Variants in RBM47 observed in about 807,000 individuals in gnomAD.
The protein encoded by RBM47 is RNA-binding protein 47.
RBM47 carries 21 observed loss-of-function variants against 47.1 expected under a neutral mutation model. That is an observed-to-expected ratio of 0.45 (90% CI 0.32 to 0.64). RBM47 has a LOEUF of 0.64. Among genes scored for constraint, RBM47 ranks in the 30% least tolerant of loss-of-function variants. The probability of loss-of-function intolerance (pLI) is 0.05; values close to 1 mark genes in which losing one functional copy is unlikely to be tolerated. For synonymous variants in RBM47, 375 were observed against 361.7 expected (o/e 1.04, Z -0.42); for missense variants, 708 against 870.9 (o/e 0.81, Z 2.35).
chr4:40,566,147 C>A (rs892664374), intron 1 of RBM47, among the ~76,000 whole-genome samples: 2 of 152,042 alleles, frequency 1.3e-5, no homozygotes, highest in African/African-American at 4.8e-5. Flanking sequence ...GAGAAAAGAA[C>A]AAAGCAAAAG....
chr4:40,526,690 C>T (rs574050515), intron 2 of RBM47, among the ~76,000 whole-genome samples: 6 of 151,528 alleles, frequency 4.0e-5, no homozygotes, highest in African/African-American at 1.5e-4. Context: ...CCTCCTGCTT[C>T]GGCCTCCTGA....
chr4:40,550,580 G>A (rs1178243478), intron 1 of RBM47, among the ~76,000 whole-genome samples: 1 of 152,008 alleles, frequency 6.6e-6, no homozygotes, highest in Non-Finnish European at 1.5e-5. Flanking sequence ...CACCATGCCC[G>A]GCTAATTTTT....
At chr4:40,611,964 G>A (rs367864507) in intron 1 of RBM47, among the ~76,000 whole-genome samples, 59 of 152,200 alleles carry the variant, frequency 3.9e-4, no homozygotes, top group Admixed American at 9.2e-4. Context: ...GGCCTTCCAC[G>A]CAAGACTCAG....
chr4:40,570,160 T>G (rs1731572563), intron 1 of RBM47, among the ~76,000 whole-genome samples: 1 of 151,984 alleles, frequency 6.6e-6, no homozygotes, highest in South Asian at 2.1e-4. Flanking sequence ...CCATGGTGGA[T>G]AGGGGTGAGA....
rs1717063666 is a variant in RBM47 at position 40,461,035 on chromosome 4, TA to T, written c.-32+5541del. ...AAATAAAAAGCACAACTACATTAAT[TA>T]AAGAAACTCAAGAAATATGCACTTA... On this transcript the variant is annotated intron_variant, in intron 3 of 6. Transcript: ENST00000295971. Among the ~76,000 whole-genome samples the T allele has an allele frequency of 2.6e-5, 4 of 152,152 alleles. No individual in the cohort carries two copies. In the East Asian group the frequency reaches 7.7e-4, roughly 29 times the overall value.
chr4:40,603,217 C>T (rs750764112), intron 1 of RBM47, among the ~76,000 whole-genome samples: 1 of 152,156 alleles, frequency 6.6e-6, no homozygotes, highest in African/African-American at 2.4e-5. Context: ...GCAGGATACA[C>T]CCTGTTAGCT....
chr4:40,437,714 C>T (rs1712877360), intron 4 of RBM47, 57 bp downstream of exon 4: 3 of 1,492,094 alleles, frequency 2.0e-6, no homozygotes, highest in Non-Finnish European at 2.7e-6. Flanking sequence ...CCTGGTGCCC[C>T]CTGCCTAGGA....
At chr4:40,608,976 T>G (rs984535316) in intron 1 of RBM47, among the ~76,000 whole-genome samples, 1 of 152,084 alleles carries the variant, frequency 6.6e-6, no homozygotes, top group African/African-American at 2.4e-5. Flanking sequence ...TATGTCTCCA[T>G]ACCTCTTCTT....
intron 2 of RBM47, among the ~76,000 whole-genome samples, chr4:40,480,809 T>C (rs751556735): frequency 6.6e-6 from 1 of 152,192 alleles, no homozygotes; most frequent in African/African-American, 2.4e-5. Flanking sequence ...ATTTACCTAA[T>C]AGATTCTGTG....
At position 40,507,353 on chromosome 4, in the gene RBM47, T is replaced by C. The variant is rs531898815; in HGVS notation, c.-155+37069A>G. 1.9e-3 allele frequency among the ~76,000 whole-genome samples: 286 copies of C among 152,236 alleles called. 1 individual carries two copies. Among genetic ancestry groups the C allele is most frequent in the Non-Finnish European group, 3.2e-3 (220 of 68,028 alleles). On this transcript the variant is annotated intron_variant, in intron 2 of 6. Transcript: ENST00000295971. ...ACTTGAAATTCACCTAACTTTCTTATGATGATTAAATATTTCCTTATGTAT... is the reference window on the plus strand; with the variant it reads ...ACTTGAAATTCACCTAACTTTCTTACGATGATTAAATATTTCCTTATGTAT...
chr4:40,600,999 A>AAAAGAAAG (rs1735233561), intron 1 of RBM47, among the ~76,000 whole-genome samples: 1 of 147,284 alleles, frequency 6.8e-6, no homozygotes, highest in African/African-American at 2.6e-5. Context: ...AAAAAAAAAA[A>AAAAGAAAG]AAAGAAAGAA....
chr4:40,436,716 C>T (rs750259638), intron 4 of RBM47, 69 bp from the exon 5 acceptor site: 4 of 1,492,148 alleles, frequency 2.7e-6, no homozygotes, highest in Non-Finnish European at 3.7e-6. Flanking sequence ...CCTCAGCCCT[C>T]GGTTCTCGGC....
intron 2 of RBM47, among the ~76,000 whole-genome samples, chr4:40,516,261 C>CTTTCTT (rs1553894774): frequency 1.1e-4 from 15 of 133,144 alleles, no homozygotes; most frequent in African/African-American, 3.1e-4. Flanking sequence ...TCTTTTCTTT[C>CTTTCTT]TTTTTTTTTT....
At chr4:40,431,606 C>T (rs1164675450) in intron 6 of RBM47, among the ~76,000 whole-genome samples, 2 of 150,266 alleles carry the variant, frequency 1.3e-5, no homozygotes, top group Non-Finnish European at 1.5e-5. Flanking sequence ...TGCAGTGAGC[C>T]GAGATGGCGC....
At chr4:40,608,308 G>A (rs1324392289) in intron 1 of RBM47, among the ~76,000 whole-genome samples, 1 of 152,134 alleles carries the variant, frequency 6.6e-6, no homozygotes, top group Non-Finnish European at 1.5e-5. Context: ...GAGCATCTGA[G>A]GGCAGGAAGA....
intron 2 of RBM47, among the ~76,000 whole-genome samples, chr4:40,481,487 TTTTTA>T (rs1335073859): frequency 6.8e-4 from 79 of 116,074 alleles, no homozygotes; most frequent in African/African-American, 2.2e-3. Context: ...ATTATTATTA[TTTTTA>T]TTTTTATTTT....
chr4:40,534,214 C>T (rs1180041015), intron 2 of RBM47, among the ~76,000 whole-genome samples: 1 of 152,056 alleles, frequency 6.6e-6, no homozygotes, highest in East Asian at 1.9e-4. Context: ...GATTCTTCCA[C>T]CTCAGCCACC....
At chr4:40,616,874 C>CTTTTTTTTTTT (rs1300005872) in intron 1 of RBM47, among the ~76,000 whole-genome samples, 3 of 111,670 alleles carry the variant, frequency 2.7e-5, no homozygotes, top group Admixed American at 1.1e-4. Flanking sequence ...ATTTTCTTTT[C>CTTTTTTTTTTT]TTTTTTTTTT....
At chr4:40,512,500 G>C (rs1430591526) in intron 2 of RBM47, among the ~76,000 whole-genome samples, 2 of 149,428 alleles carry the variant, frequency 1.3e-5, no homozygotes, top group Non-Finnish European at 3.0e-5. Context: ...TGGATCACTT[G>C]AGGTCAGGAG....
Sources: gnomAD v4.1 joint callset for allele counts (sites outside exome capture counted in the v4.1 genomes callset) on GRCh38, gnomAD v4.1.1 for gene constraint, MANE v1.5 for transcripts, NCBI Gene and HGNC (gene_info 2026-07-23, HGNC 2026-07-21) for gene names.